KCNJ6: variants seen among roughly 807,000 people sequenced by gnomAD.
KCNJ6 encodes potassium inwardly rectifying channel subfamily J member 6, also known as G protein-activated inward rectifier potassium channel 2.
Under a neutral mutation model 34.2 loss-of-function variants are expected in KCNJ6, and 9 were observed. That is an observed-to-expected ratio of 0.26 (90% CI 0.16 to 0.46). KCNJ6 has a LOEUF of 0.46. Ranked by LOEUF, KCNJ6 falls within the 20% of genes least tolerant of loss-of-function variation. The probability of loss-of-function intolerance (pLI) is 1.00; values close to 1 mark genes in which losing one functional copy is unlikely to be tolerated. For missense variants in KCNJ6, 236 were observed against 531.3 expected (o/e 0.44, Z 5.46); for synonymous variants, 196 against 207.1 (o/e 0.95, Z 0.46).
At chr21:37,871,941 T>C (rs554542873) in intron 1 of KCNJ6, among the ~76,000 whole-genome samples, 55 of 152,368 alleles carry the variant, frequency 3.6e-4, no homozygotes, top group Non-Finnish European at 6.6e-4. Context: ...CAGAAACATA[T>C]GGATTTGATT....
At chr21:37,717,508 G>A (rs1483997285) in intron 2 of KCNJ6, among the ~76,000 whole-genome samples, 1 of 152,210 alleles carries the variant, frequency 6.6e-6, no homozygotes, top group African/African-American at 2.4e-5. Flanking sequence ...AGAGGCCATG[G>A]CTTTCTCACT....
intron 2 of KCNJ6, among the ~76,000 whole-genome samples, chr21:37,734,271 G>A (rs2054901445): frequency 1.3e-5 from 2 of 152,140 alleles, no homozygotes; most frequent in South Asian, 2.1e-4. Context: ...GCTTGAAGAT[G>A]CTCCCACGGG....
At position 37,891,848 on chromosome 21, in the gene KCNJ6, C is replaced by T. The variant is rs2055763706; in HGVS notation, c.-28+24036G>A. On this transcript the variant is annotated intron_variant, in intron 1 of 3. Transcript: ENST00000609713. ...GTTGGAGGTAGCAAGGACATTGGTG[C>T]TGATGCTGGCGGCAGTTGTGGTGGT... Among the ~76,000 whole-genome samples the T allele has an allele frequency of 4.6e-5, 7 of 152,204 alleles. No homozygotes were observed. In the South Asian group the frequency reaches 1.5e-3, roughly 32 times the overall value.
intron 1 of KCNJ6, among the ~76,000 whole-genome samples, chr21:37,913,538 G>A (rs1204672702): frequency 6.6e-6 from 1 of 152,188 alleles, no homozygotes; most frequent in African/African-American, 2.4e-5. Flanking sequence ...AATTTGGCTG[G>A]GCCGGATACG....
chr21:37,686,851 G>GGT (rs1353083258), intron 3 of KCNJ6, among the ~76,000 whole-genome samples: 1 of 152,090 alleles, frequency 6.6e-6, no homozygotes, highest in African/African-American at 2.4e-5. Flanking sequence ...ACATGCAGCA[G>GGT]GTGTCAGGAT....
intron 1 of KCNJ6, among the ~76,000 whole-genome samples, chr21:37,860,764 C>T (rs2055591027): frequency 6.6e-6 from 1 of 152,302 alleles, no homozygotes; most frequent in Non-Finnish European, 1.5e-5. Flanking sequence ...TACAATGTCA[C>T]CTCTTCCAAG....
chr21:37,905,751 C>T (rs1049166473), intron 1 of KCNJ6, among the ~76,000 whole-genome samples: 2 of 152,206 alleles, frequency 1.3e-5, no homozygotes, highest in African/African-American at 4.8e-5. Context: ...CCTCTGGGAA[C>T]TGAAGTCAGG....
chr21:37,842,174 T>C (rs1278678366), intron 1 of KCNJ6, among the ~76,000 whole-genome samples: 2 of 152,214 alleles, frequency 1.3e-5, no homozygotes, highest in Admixed American at 1.3e-4. Flanking sequence ...ACAACTGTAG[T>C]GTTCTTTCCC....
At chr21:37,780,485 T>A (rs1014066914) in intron 2 of KCNJ6, among the ~76,000 whole-genome samples, 1 of 151,728 alleles carries the variant, frequency 6.6e-6, no homozygotes, top group Non-Finnish European at 1.5e-5. Context: ...TAATAATATA[T>A]CAATACTGGT....
intron 2 of KCNJ6, among the ~76,000 whole-genome samples, chr21:37,815,259 A>T (rs2123547248): frequency 6.6e-6 from 1 of 152,326 alleles, no homozygotes; most frequent in Middle Eastern, 3.4e-3. Context: ...TAAAACAACT[A>T]AAAGAGCATT....
At chr21:37,910,891 G>A (rs1191171894) in intron 1 of KCNJ6, among the ~76,000 whole-genome samples, 1 of 152,148 alleles carries the variant, frequency 6.6e-6, no homozygotes, top group African/African-American at 2.4e-5. Context: ...ATGACCATTT[G>A]AACATTGCAC....
At chr21:37,676,658 G>C (rs2054566250) in intron 3 of KCNJ6, among the ~76,000 whole-genome samples, 2 of 152,256 alleles carry the variant, frequency 1.3e-5, no homozygotes, top group African/African-American at 4.8e-5. Context: ...GCACCAGCCA[G>C]AGCTGTGTTC....
Position 37,833,581 on chromosome 21 carries a change from C to T in KCNJ6, c.25+7077G>A, listed in dbSNP as rs530247183. On this transcript the variant is annotated intron_variant, in intron 2 of 3. Transcript: ENST00000609713. Reference sequence around the variant, plus strand: ...GAAAACGCAGGTGGAGATGCAGCCTCCGAGACTGTGGGGGTCCCAGGGTGA... The same window carrying T: ...GAAAACGCAGGTGGAGATGCAGCCTTCGAGACTGTGGGGGTCCCAGGGTGA... 2.6e-5 allele frequency among the ~76,000 whole-genome samples: 4 copies of T among 152,278 alleles called. No homozygotes were observed. In the East Asian group the frequency reaches 7.7e-4, roughly 29 times the overall value.
At chr21:37,672,224 A>G (rs1390785877) in intron 3 of KCNJ6, among the ~76,000 whole-genome samples, 1 of 152,110 alleles carries the variant, frequency 6.6e-6, no homozygotes, top group Non-Finnish European at 1.5e-5. Context: ...CTCCTTAAGG[A>G]CAATGAGATG....
At chr21:37,677,875 A>G (rs1369161598) in intron 3 of KCNJ6, among the ~76,000 whole-genome samples, 1 of 143,110 alleles carries the variant, frequency 7.0e-6, no homozygotes, top group Non-Finnish European at 1.5e-5. Flanking sequence ...TCATCAACAC[A>G]CCCTTCTGTT....
At chr21:37,822,016 C>T (rs971641580) in intron 2 of KCNJ6, among the ~76,000 whole-genome samples, 1 of 152,204 alleles carries the variant, frequency 6.6e-6, no homozygotes, top group African/African-American at 2.4e-5. Flanking sequence ...GGATAATCAA[C>T]ACAGAGGAGC....
chr21:37,872,872 G>T (rs2055659473), intron 1 of KCNJ6, among the ~76,000 whole-genome samples: 1 of 152,130 alleles, frequency 6.6e-6, no homozygotes, highest in Admixed American at 6.5e-5. Context: ...TATGAGATCT[G>T]CTGGTTTTAT....
At chr21:37,682,792 G>A (rs2054596379) in intron 3 of KCNJ6, among the ~76,000 whole-genome samples, 1 of 152,116 alleles carries the variant, frequency 6.6e-6, no homozygotes, top group Non-Finnish European at 1.5e-5. Flanking sequence ...TCCTCTGTCC[G>A]CCCAGGGGTG....
At chr21:37,725,821 A>G (rs1346689838) in intron 2 of KCNJ6, among the ~76,000 whole-genome samples, 1 of 152,270 alleles carries the variant, frequency 6.6e-6, no homozygotes, top group Non-Finnish European at 1.5e-5. Flanking sequence ...AATACCATGC[A>G]GTCATTAAAA....
Sources: allele counts gnomAD v4.1 joint callset (sites outside exome capture counted in the v4.1 genomes callset), GRCh38; gene constraint gnomAD v4.1.1; transcripts MANE v1.5; gene names NCBI Gene and HGNC (gene_info 2026-07-23, HGNC 2026-07-21).